PCDHGA7: variants seen among roughly 807,000 people sequenced by gnomAD.
PCDHGA7 encodes the protein protocadherin gamma subfamily A, 7.
PCDHGA7 carries 44 observed loss-of-function variants against 58.3 expected under a neutral mutation model. The observed-to-expected ratio is 0.75, with a 90% CI of 0.59 to 0.97. The LOEUF is 0.97. PCDHGA7 is among the 50% of genes least tolerant of loss of function. The pLI, the probability that PCDHGA7 is intolerant of heterozygous loss-of-function variation, is 0.00. For missense variants in PCDHGA7, 1,266 were observed against 1,188.7 expected, an observed-to-expected ratio of 1.06 and a Z score of -0.96; for synonymous variants, 516 against 504.2, an observed-to-expected ratio of 1.02 and a Z score of -0.31.
intron 1 of PCDHGA7, among the ~76,000 whole-genome samples, chr5:141,460,447 A>G (rs1202218653): frequency 6.6e-6 from 1 of 152,170 alleles, no homozygotes; most frequent in Non-Finnish European, 1.5e-5. Context: ...GTAACAATGA[A>G]GATTCATATT....
At position 141,432,627 on chromosome 5, in the gene PCDHGA7, C is replaced by A. The variant is rs886117102; in HGVS notation, c.2424+47304C>A. 1 of 1,613,652 alleles carries A rather than the reference C, an allele frequency of 6.2e-7. No homozygotes were observed. The highest frequency in any genetic ancestry group is 8.5e-7 in the Non-Finnish European group (1 of 1,179,952). On this transcript the variant is annotated intron_variant, in intron 1 of 3. Transcript: ENST00000518325. This position sits in a 1 kb window ranked among gnomAD's most constrained non-coding sequence, Gnocchi z 6.0. ...GGACTCTTCTCGGTGGGTCTGCACA[C>A]GGGCGAGGTGCGCACGGCGCGAGCC...
At chr5:141,422,206 G>C (rs1269700250) in intron 1 of PCDHGA7, 2 of 1,562,442 alleles carry the variant, frequency 1.3e-6, no homozygotes, top group East Asian at 4.5e-5. Context: ...AGATGGTGGA[G>C]GTCTCTTTAC....
At chr5:141,438,018 G>A (rs959672278) in intron 1 of PCDHGA7, among the ~76,000 whole-genome samples, 1 of 152,082 alleles carries the variant, frequency 6.6e-6, no homozygotes, top group African/African-American at 2.4e-5. Context: ...TGAGATTACA[G>A]GTGTGAGCCA....
intron 1 of PCDHGA7, chr5:141,409,909 T>C (rs772516694): frequency 1.2e-6 from 2 of 1,613,200 alleles, no homozygotes; most frequent in African/African-American, 2.7e-5. Flanking sequence ...CTCTGGGTCC[T>C]GACGGCTCCG....
intron 1 of PCDHGA7, among the ~76,000 whole-genome samples, chr5:141,430,360 T>C (rs570966246): frequency 1.8e-4 from 27 of 151,522 alleles, no homozygotes; most frequent in Middle Eastern, 3.4e-3. Flanking sequence ...TAAAAGCTCA[T>C]TGGGGAAAAA....
In PCDHGA7 at chr5:141,512,843, T is replaced by G. The variant is rs2099884463; in HGVS notation, c.*1670T>G. ...CCCTCCCCCGTACTGACTTCTCCTATAAGCGCTTCTCTTCGCATAGTCACG... is the reference window on the plus strand; with the variant it reads ...CCCTCCCCCGTACTGACTTCTCCTAGAAGCGCTTCTCTTCGCATAGTCACG... On this transcript the variant is annotated 3_prime_UTR_variant, in exon 4 of 4. Coordinates refer to ENST00000518325, the MANE Select transcript of PCDHGA7 (RefSeq NM_018920.4). 6.6e-6 allele frequency: 1 copy of G among 152,290 alleles called. No individual in the cohort carries two copies. The highest frequency in any genetic ancestry group is 1.5e-5 in the Non-Finnish European group (1 of 68,088). 9.4% of individuals were successfully genotyped at this position (152,290 alleles called of 1,614,324 possible).
In PCDHGA7 at chr5:141,388,635, C is replaced by A. The variant is rs1441074974; in HGVS notation, c.2424+3312C>A. The A allele has an allele frequency of 4.3e-6, 7 of 1,613,896 alleles. No homozygotes were observed. The highest frequency in any genetic ancestry group is 5.9e-6 in the Non-Finnish European group (7 of 1,179,864). On this transcript the variant is annotated intron_variant, in intron 1 of 3. Transcript: ENST00000518325. ...CAGTCAAGACGTATACAGGGTGAGC[C>A]TTTCAGAAAACGTGTACCCGGGGAC...
Position 141,384,133 on chromosome 5 carries a change from C to G in PCDHGA7, c.1234C>G (p.Arg412Gly), listed in dbSNP as rs770731491. The G allele has an allele frequency of 1.7e-5, 27 of 1,611,570 alleles. No homozygotes were observed. The highest frequency in any genetic ancestry group is 2.2e-5 in the Non-Finnish European group (26 of 1,178,832). ...ATTGGTCACAACCAAAAACTTGGACCGGGAAACACTCTCTTTGTATAACAT... is the reference window on the plus strand; with the variant it reads ...ATTGGTCACAACCAAAAACTTGGACGGGGAAACACTCTCTTTGTATAACAT... ...YRLVTTKNLD[R>G]ETLSLYNITL... Residue 412 changes from arginine (R) to glycine (G), a missense_variant, in exon 1 of 4, where the codon CGG (arginine) becomes GGG (glycine). Coordinates refer to ENST00000518325, the MANE Select transcript of PCDHGA7 (RefSeq NM_018920.4).
At chr5:141,393,167 G>C (rs889451396) in intron 1 of PCDHGA7, 17 of 1,613,166 alleles carry the variant, frequency 1.1e-5, no homozygotes, top group East Asian at 2.2e-5. Context: ...AACTCTTTGG[G>C]GTAGAAATAG....
intron 1 of PCDHGA7, chr5:141,414,659 T>A (rs566999623): frequency 6.2e-7 from 1 of 1,614,010 alleles, no homozygotes; most frequent in South Asian, 1.1e-5. Flanking sequence ...ATTTACTCCC[T>A]GGCTGAAGAC....
rs746989617 is a variant in PCDHGA7 at position 141,422,853 on chromosome 5, C to G, written c.2424+37530C>G. On this transcript the variant is annotated intron_variant, in intron 1 of 3. Transcript: ENST00000518325. ...TAGCACGTGACAGCGGGGACCCGCC[C>G]CTCAGCAGCAACGTGTCGCTGAGCC... 16 of 1,614,146 alleles carry G rather than the reference C, an allele frequency of 9.9e-6. 1 individual carries two copies. In the South Asian group the frequency reaches 1.6e-4, roughly 17 times the overall value.
At chr5:141,434,265 GA>G (rs2097683598) in intron 1 of PCDHGA7, among the ~76,000 whole-genome samples, 1 of 152,186 alleles carries the variant, frequency 6.6e-6, no homozygotes, top group South Asian at 2.1e-4. Context: ...GGGGGAGGTG[GA>G]AATTAGAGGT....
In PCDHGA7 at chr5:141,423,758, G is replaced by T. The variant is rs1192987646; in HGVS notation, c.2424+38435G>T. Reference sequence around the variant, plus strand: ...CTGTTATGAAAACTGTTTGGGGGGGGGGTGGGGCGGCATATATTTAGTTCA... The same window carrying T: ...CTGTTATGAAAACTGTTTGGGGGGGTGGTGGGGCGGCATATATTTAGTTCA... On this transcript the variant is annotated intron_variant, in intron 1 of 3. Transcript: ENST00000518325. 1.4e-4 allele frequency: 53 copies of T among 366,832 alleles called. 6 individuals carry two copies. The highest frequency in any genetic ancestry group is 3.4e-4 in the South Asian group (4 of 11,762). 22.7% of individuals were successfully genotyped at this position (366,832 alleles called of 1,614,324 possible).
rs200512171 is a variant in PCDHGA7, at chr5:141,418,143, T to C, written c.2424+32820T>C. ...AAGGACCGAATAGACCGTGAGCAAA[T>C]ATGCAAAGAGAGAAGAAGATGTGAG... On this transcript the variant is annotated intron_variant, in intron 1 of 3. Transcript: ENST00000518325. 2.6e-4 allele frequency: 419 copies of C among 1,613,982 alleles called. 1 individual carries two copies. In the African/African-American group the frequency reaches 5.2e-3, roughly 20 times the overall value.
chr5:141,431,228 G>C lies in PCDHGA7; in HGVS notation c.2424+45905G>C, dbSNP rs772199359. The stretch of plus-strand genomic sequence containing the variant: ...TGAGATGCGGTTCCCTCTACCCCAC[G>C]CCTGGGATCCGGATATCGGGAAGAA... On this transcript the variant is annotated intron_variant, in intron 1 of 3. Coordinates refer to ENST00000518325, the MANE Select transcript of PCDHGA7 (RefSeq NM_018920.4). The surrounding 1 kb of genome is among the most constrained non-coding windows in gnomAD (Gnocchi z 4.8). The C allele has an allele frequency of 1.9e-6, 3 of 1,614,000 alleles. No individual in the cohort carries two copies. The African/African-American group carries it at 4.0e-5, about 22-fold the overall frequency.
intron 1 of PCDHGA7, chr5:141,408,651 C>T (rs373860648): frequency 6.2e-7 from 1 of 1,614,012 alleles, no homozygotes; most frequent in Non-Finnish European, 8.5e-7. Flanking sequence ...TCCGCTGGTA[C>T]ACGACTATCG....
Position 141,489,752 on chromosome 5 carries a change from C to G in PCDHGA7, c.2425-5055C>G. ...GGCACCAATACTGTGAGCTTTTACA[C>G]TCTAAGCCCCAACAGCCACTTCTCT... On this transcript the variant is annotated intron_variant, in intron 1 of 3. Coordinates refer to ENST00000518325, the MANE Select transcript of PCDHGA7 (RefSeq NM_018920.4). This position sits in a 1 kb window ranked among gnomAD's most constrained non-coding sequence, Gnocchi z 4.5. The G allele has an allele frequency of 6.2e-7, 1 of 1,614,136 alleles. No individual in the cohort carries two copies. The highest frequency in any genetic ancestry group is 8.5e-7 in the Non-Finnish European group (1 of 1,179,972).
chr5:141,384,214 T>A lies in PCDHGA7; in HGVS notation c.1315T>A (p.Phe439Ile). 6.2e-7 allele frequency: 1 copy of A among 1,613,874 alleles called. No individual in the cohort carries two copies. Among genetic ancestry groups the A allele is most frequent in the Non-Finnish European group, 8.5e-7 (1 of 1,179,890 alleles). ...TPPLSRETHI[F>I]MQVADTNDNP... ...TCCCTTGTCCAGGGAAACTCACATA[T>A]TCATGCAGGTGGCAGACACCAACGA... is the stretch of plus-strand genomic sequence containing the variant. Residue 439 changes from phenylalanine to isoleucine, a missense_variant, in exon 1 of 4, where the codon TTC becomes ATC. Coordinates refer to ENST00000518325, the MANE Select transcript of PCDHGA7 (RefSeq NM_018920.4).
At chr5:141,410,764 A>G (rs1288407043) in intron 1 of PCDHGA7, 2 of 1,105,068 alleles carry the variant, frequency 1.8e-6, no homozygotes, top group African/African-American at 1.6e-5. Context: ...TTTTTCAATT[A>G]TAGTTTTCAC....
Sources: gnomAD v4.1 joint callset for allele counts (sites outside exome capture counted in the v4.1 genomes callset) on GRCh38, gnomAD v4.1.1 for gene constraint, Gnocchi (gnomAD v3.1) non-coding constraint, MANE v1.5 for transcripts, NCBI Gene and HGNC (gene_info 2026-07-23, HGNC 2026-07-21) for gene names.